MICOS10: variants seen among roughly 807,000 people sequenced by gnomAD.
The protein encoded by MICOS10 is mitochondrial contact site and cristae organizing system subunit 10, also known as MICOS complex subunit MIC10.
In MICOS10, 5 loss-of-function variants were observed where a neutral mutation model predicts 13.4. The observed-to-expected ratio is 0.37, with a 90% CI of 0.20 to 0.78. The LOEUF (loss-of-function observed/expected upper bound fraction) is 0.78, where lower values mean the gene tolerates loss of function less well. MICOS10 is among the 30% of genes least tolerant of loss of function. The probability of loss-of-function intolerance (pLI) is 0.47; values close to 1 mark genes in which losing one functional copy is unlikely to be tolerated. For missense variants in MICOS10, 101 were observed against 94.6 expected, an observed-to-expected ratio of 1.07 and a Z score of -0.28; for synonymous variants, 35 against 33.6, an observed-to-expected ratio of 1.04 and a Z score of -0.15.
intron 3 of MICOS10, 47 bp from the exon 4 acceptor site, chr1:19,626,340 C>T (rs778694831): frequency 6.2e-7 from 1 of 1,613,478 alleles, no homozygotes; most frequent in East Asian, 2.2e-5. Context: ...AGAGGGTTGT[C>T]AGAATGCCGT....
intron 1 of MICOS10, among the ~76,000 whole-genome samples, chr1:19,609,345 T>C (rs1159989510): frequency 6.6e-6 from 1 of 152,144 alleles, no homozygotes; most frequent in Non-Finnish European, 1.5e-5. Flanking sequence ...CTGCCAATAC[T>C]AAGTGTTAAT....
At chr1:19,618,679 C>A (rs2094893353) in intron 1 of MICOS10, among the ~76,000 whole-genome samples, 1 of 152,182 alleles carries the variant, frequency 6.6e-6, no homozygotes, top group Admixed American at 6.5e-5. Flanking sequence ...TGTCTTGCTG[C>A]AGCATCAGTG....
chr1:19,598,397 T>C (rs1259314162), intron 1 of MICOS10, among the ~76,000 whole-genome samples: 1 of 152,232 alleles, frequency 6.6e-6, no homozygotes, highest in African/African-American at 2.4e-5. Context: ...GTTTTGTTAC[T>C]GTTAACAGCT....
At chr1:19,622,236 C>A in intron 2 of MICOS10, 89 bp downstream of exon 2, 2 of 1,064,146 alleles carry the variant, frequency 1.9e-6, no homozygotes, top group Non-Finnish European at 2.7e-6. Flanking sequence ...TGGAACCCAT[C>A]AATTTGTGGG....
rs5772856 is a variant in MICOS10 at position 19,608,994 on chromosome 1, C to CTTT, written c.64+11912_64+11914dup. ...TTAAGATGTGAGCCACTTTTCCCAG[C>CTTT]TTTTTTTTTTTTTTTTTTTTTTTTT... On this transcript the variant is annotated intron_variant, in intron 1 of 3. Transcript: ENST00000322753. Among the ~76,000 whole-genome samples, 488 of 60,580 alleles carry CTTT rather than the reference C, an allele frequency of 8.1e-3. 100 individuals are homozygous for CTTT. The highest frequency in any genetic ancestry group is 0.026 in the African/African-American group (346 of 13,112). 39.7% of individuals were successfully genotyped at this position (60,580 alleles called of 152,430 possible). A position where few individuals can be genotyped will look rare whatever the true frequency, so the allele number is the denominator to read the frequency against.
At chr1:19,623,361 T>G (rs1457592833) in intron 2 of MICOS10, 113 bp from the exon 3 acceptor site, 1 of 681,554 alleles carries the variant, frequency 1.5e-6, no homozygotes, top group East Asian at 2.5e-5. Context: ...TAGTCATTAG[T>G]ATGATGCACG....
At chr1:19,597,788 T>C (rs2094798577) in intron 1 of MICOS10, 1 of 152,250 alleles carries the variant, frequency 6.6e-6, no homozygotes, top group Admixed American at 6.5e-5. Context: ...GAAACTCGTT[T>C]ATTGAGCGTA....
chr1:19,601,635 G>C (rs2094815671), intron 1 of MICOS10, among the ~76,000 whole-genome samples: 1 of 151,402 alleles, frequency 6.6e-6, no homozygotes, highest in Admixed American at 6.6e-5. Flanking sequence ...TATTTTACCT[G>C]CTTATTCGGG....
At chr1:19,620,813 G>C (rs910402284) in intron 1 of MICOS10, among the ~76,000 whole-genome samples, 8 of 152,172 alleles carry the variant, frequency 5.3e-5, no homozygotes, top group African/African-American at 1.9e-4. Flanking sequence ...TCTACTGCTA[G>C]GAAAAGTTGA....
chr1:19,599,245 C>T (rs932647997), intron 1 of MICOS10, among the ~76,000 whole-genome samples: 9 of 151,772 alleles, frequency 5.9e-5, no homozygotes, highest in African/African-American at 1.2e-4. Context: ...TTGGTAGAGA[C>T]GGTGTTTTGC....
chr1:19,600,624 C>T (rs147682967), intron 1 of MICOS10, among the ~76,000 whole-genome samples: 5 of 152,274 alleles, frequency 3.3e-5, no homozygotes, highest in Admixed American at 2.0e-4. Flanking sequence ...GTTTTTAAGA[C>T]AAGGTCTCAC....
intron 3 of MICOS10, among the ~76,000 whole-genome samples, chr1:19,625,983 T>G (rs2792053): frequency 0.11 from 16,237 of 152,202 alleles, 2,931 homozygotes; most frequent in African/African-American, 0.37. Context: ...ACCTGCCAGT[T>G]GATTTGTGAG....
intron 1 of MICOS10, among the ~76,000 whole-genome samples, chr1:19,611,469 A>AT (rs768118529): frequency 0.42 from 38,243 of 90,220 alleles, 8,697 homozygotes; most frequent in Non-Finnish European, 0.45. Context: ...TTGCAACTTG[A>AT]TTTTTTTTTT....
At chr1:19,608,095 C>T (rs2094842270) in intron 1 of MICOS10, 1 of 906,254 alleles carries the variant, frequency 1.1e-6, no homozygotes. Flanking sequence ...CGTGTGGAGT[C>T]TGGAGACGAC....
chr1:19,600,085 A>C (rs2094808166), intron 1 of MICOS10, among the ~76,000 whole-genome samples: 1 of 152,210 alleles, frequency 6.6e-6, no homozygotes, highest in African/African-American at 2.4e-5. Flanking sequence ...CATTAAAAAA[A>C]AAATTGGCAA....
At chr1:19,608,878 C>A (rs77277910) in intron 1 of MICOS10, among the ~76,000 whole-genome samples, 1 of 151,812 alleles carries the variant, frequency 6.6e-6, no homozygotes, top group East Asian at 1.9e-4. Context: ...GGTTCCCCCC[C>A]ACCCATAGAC....
chr1:19,601,978 T>G (rs1207406425), intron 1 of MICOS10, among the ~76,000 whole-genome samples: 1 of 152,246 alleles, frequency 6.6e-6, no homozygotes, highest in Non-Finnish European at 1.5e-5. Flanking sequence ...CATTGATAGG[T>G]CTTTTTTCCT....
intron 1 of MICOS10, chr1:19,608,269 C>T (rs1231209475): frequency 1.5e-6 from 2 of 1,366,120 alleles, no homozygotes; most frequent in Non-Finnish European, 2.1e-6. Flanking sequence ...GCAAACAAAC[C>T]ATCTGCCGTG....
rs1335314232 is a variant in MICOS10 at position 19,609,886 on chromosome 1, T to C, written c.65-12214T>C. ...CTGGCTGGGCACGGTGGCTCATGCCTGTAATCCCAGCACTTTGGGTAGCCG... is the reference window on the plus strand; with the variant it reads ...CTGGCTGGGCACGGTGGCTCATGCCCGTAATCCCAGCACTTTGGGTAGCCG... On this transcript the variant is annotated intron_variant, in intron 1 of 3. Transcript: ENST00000322753. Among the ~76,000 whole-genome samples, 5 of 152,344 alleles carry C rather than the reference T, an allele frequency of 3.3e-5. No individual in the cohort carries two copies. The South Asian group carries it at 1.0e-3, about 32-fold the overall frequency.
Sources: allele counts gnomAD v4.1 joint callset (sites outside exome capture counted in the v4.1 genomes callset), GRCh38; gene constraint gnomAD v4.1.1; transcripts MANE v1.5; gene names NCBI Gene and HGNC (gene_info 2026-07-23, HGNC 2026-07-21).